The following KCNH7 variants were observed in gnomAD, a reference collection of about 807,000 sequenced individuals.
KCNH7 encodes the protein voltage-gated inwardly rectifying potassium channel KCNH7.
Under a neutral mutation model 120.8 loss-of-function variants are expected in KCNH7, and 49 were observed. The observed-to-expected ratio is 0.41, with a 90% CI of 0.32 to 0.51. The LOEUF is 0.51. Among genes scored for constraint, KCNH7 ranks in the 20% least tolerant of loss-of-function variants. The pLI is 0.38. For synonymous variants in KCNH7, 547 were observed against 516.1 expected, an observed-to-expected ratio of 1.06 and a Z score of -0.81; for missense variants, 1,097 against 1,446.6, an observed-to-expected ratio of 0.76 and a Z score of 3.92.
At chr2:162,672,664 G>A (rs963033798) in intron 2 of KCNH7, among the ~76,000 whole-genome samples, 10 of 151,892 alleles carry the variant, frequency 6.6e-5, no homozygotes, top group African/African-American at 1.7e-4. Context: ...CCCACATAGC[G>A]ATTACTGTAT....
intron 2 of KCNH7, among the ~76,000 whole-genome samples, chr2:162,692,072 A>G (rs1686129081): frequency 6.6e-6 from 1 of 152,122 alleles, no homozygotes; most frequent in African/African-American, 2.4e-5. Context: ...TCATTAAGAC[A>G]ATGACATTGG....
At chr2:162,572,675 A>G (rs1431262256) in intron 2 of KCNH7, among the ~76,000 whole-genome samples, 3 of 128,212 alleles carry the variant, frequency 2.3e-5, no homozygotes, top group Non-Finnish European at 4.8e-5. Flanking sequence ...AGACTGGATT[A>G]AGAAAATGTG....
intron 3 of KCNH7, among the ~76,000 whole-genome samples, chr2:162,522,018 T>C (rs1410836404): frequency 2.0e-5 from 3 of 151,886 alleles, no homozygotes; most frequent in Non-Finnish European, 4.4e-5. Context: ...CATTAAACTC[T>C]GGATTAATAA....
At chr2:162,584,708 G>C (rs1278559376) in intron 2 of KCNH7, among the ~76,000 whole-genome samples, 1 of 151,988 alleles carries the variant, frequency 6.6e-6, no homozygotes, top group African/African-American at 2.4e-5. Flanking sequence ...CAGCATTAGA[G>C]CTCAGAGGCA....
chr2:162,672,360 G>A (rs983379574), intron 2 of KCNH7, among the ~76,000 whole-genome samples: 1 of 151,984 alleles, frequency 6.6e-6, no homozygotes, highest in African/African-American at 2.4e-5. Context: ...GAAACAACTT[G>A]AAGATGATCA....
intron 6 of KCNH7, among the ~76,000 whole-genome samples, chr2:162,494,483 T>A (rs920754714): frequency 1.3e-5 from 2 of 152,160 alleles, no homozygotes. Flanking sequence ...TGATGTTTTA[T>A]CTTCTTTAGG....
chr2:162,425,887 T>A (rs561843696), intron 8 of KCNH7, among the ~76,000 whole-genome samples: 2 of 152,202 alleles, frequency 1.3e-5, no homozygotes, highest in Admixed American at 1.3e-4. Context: ...TGAAACAAAA[T>A]CTGGATTATA....
chr2:162,524,063 G>A (rs964551453), intron 3 of KCNH7, among the ~76,000 whole-genome samples: 1 of 151,922 alleles, frequency 6.6e-6, no homozygotes, highest in African/African-American at 2.4e-5. Flanking sequence ...AAAGGGTTGG[G>A]GTGGTGGGAG....
intron 2 of KCNH7, among the ~76,000 whole-genome samples, chr2:162,580,327 C>A (rs1345748724): frequency 1.3e-5 from 2 of 151,970 alleles, no homozygotes; most frequent in Non-Finnish European, 2.9e-5. Flanking sequence ...CAGTACATAT[C>A]CTTCAGGAAG....
intron 12 of KCNH7, among the ~76,000 whole-genome samples, chr2:162,388,625 A>AATACCAAT (rs1452518742): frequency 2.0e-5 from 3 of 151,976 alleles, no homozygotes; most frequent in Admixed American, 6.6e-5. Context: ...ACCAAAGTAT[A>AATACCAAT]ATACCAATAT....
At chr2:162,763,910 C>A (rs1689054885) in intron 2 of KCNH7, among the ~76,000 whole-genome samples, 1 of 151,684 alleles carries the variant, frequency 6.6e-6, no homozygotes, top group Non-Finnish European at 1.5e-5. Context: ...TGACAAATAC[C>A]ATAACAAATT....
intron 2 of KCNH7, among the ~76,000 whole-genome samples, chr2:162,716,774 A>G (rs145381895): frequency 6.6e-6 from 1 of 152,266 alleles, no homozygotes; most frequent in East Asian, 1.9e-4. Flanking sequence ...TGTGGCCATA[A>G]AATATGATCA....
intron 2 of KCNH7, among the ~76,000 whole-genome samples, chr2:162,730,309 G>A (rs1393653581): frequency 1.3e-5 from 2 of 150,528 alleles, no homozygotes; most frequent in Non-Finnish European, 3.0e-5. Flanking sequence ...GAATTCTCAG[G>A]TTTATAAGTA....
chr2:162,449,906 A>G (rs1409599684), intron 6 of KCNH7, among the ~76,000 whole-genome samples: 1 of 152,128 alleles, frequency 6.6e-6, no homozygotes, highest in Non-Finnish European at 1.5e-5. Context: ...TTTATAAAAC[A>G]GTGAATTCAA....
At position 162,810,307 on chromosome 2, in the gene KCNH7, G is replaced by A. The variant is rs1684694515; in HGVS notation, c.307+26230C>T. Among the ~76,000 whole-genome samples the A allele has an allele frequency of 2.0e-5, 3 of 152,088 alleles. No homozygotes were observed. In the South Asian group the frequency reaches 6.2e-4, roughly 32 times the overall value. ...ATCAAATAAATTGAAAACAATAGAA[G>A]TTATACTTTACACATACAAAATAAG... is the stretch of plus-strand genomic sequence containing the variant. On this transcript the variant is annotated intron_variant, in intron 2 of 15. Coordinates refer to ENST00000332142, the MANE Select transcript of KCNH7 (RefSeq NM_033272.4).
intron 2 of KCNH7, among the ~76,000 whole-genome samples, chr2:162,695,942 G>A (rs2105335406): frequency 6.6e-6 from 1 of 152,286 alleles, no homozygotes; most frequent in East Asian, 1.9e-4. Context: ...GAAGCTGCAT[G>A]TAGTTAGAAA....
At chr2:162,419,400 A>G (rs1687635381) in intron 9 of KCNH7, among the ~76,000 whole-genome samples, 2 of 152,016 alleles carry the variant, frequency 1.3e-5, no homozygotes, top group Admixed American at 6.6e-5. Context: ...CCTCAAGCAG[A>G]AAAGCTCCCA....
At chr2:162,703,368 G>A (rs1686582764) in intron 2 of KCNH7, among the ~76,000 whole-genome samples, 1 of 152,048 alleles carries the variant, frequency 6.6e-6, no homozygotes, top group African/African-American at 2.4e-5. Flanking sequence ...TGGTATAACA[G>A]GGTATAATAA....
At chr2:162,459,007 AAAT>A (rs71009358) in intron 6 of KCNH7, among the ~76,000 whole-genome samples, 2,768 of 134,818 alleles carry the variant, frequency 0.021, 67 homozygotes, top group South Asian at 0.091. Flanking sequence ...TTCTGTTTCA[AAAT>A]AATAATAATA....
Sources: allele counts gnomAD v4.1 joint callset (sites outside exome capture counted in the v4.1 genomes callset), GRCh38; gene constraint gnomAD v4.1.1; transcripts MANE v1.5; gene names NCBI Gene and HGNC (gene_info 2026-07-23, HGNC 2026-07-21).